The following MTA3 variants were observed in gnomAD, a reference collection of about 807,000 sequenced individuals.
The protein encoded by MTA3 is metastasis associated 1 family member 3, also known as metastasis-associated protein MTA3.
MTA3 carries 34 observed loss-of-function variants against 83.5 expected under a neutral mutation model. The ratio of observed to expected loss-of-function variants is 0.41; its 90% CI spans 0.31 to 0.54. The LOEUF (loss-of-function observed/expected upper bound fraction) is 0.54. Among genes scored for constraint, MTA3 ranks in the 20% least tolerant of loss-of-function variants. MTA3 has a pLI of 0.33. For synonymous variants in MTA3, 303 were observed against 252.7 expected (o/e 1.20, Z -1.89); for missense variants, 761 against 726.4 (o/e 1.05, Z -0.55).
chr2:42,720,432 C>T (rs1437386055), intron 15 of MTA3, among the ~76,000 whole-genome samples: 12 of 152,082 alleles, frequency 7.9e-5, no homozygotes, highest in Non-Finnish European at 1.6e-4. Context: ...CCGCCCACCT[C>T]GGCCTCCCAG....
intron 2 of MTA3, among the ~76,000 whole-genome samples, chr2:42,534,757 A>G (rs1360637078): frequency 3.9e-5 from 6 of 152,106 alleles, no homozygotes; most frequent in African/African-American, 1.4e-4. Flanking sequence ...GACTTCATCT[A>G]TTATATGCCA....
intron 2 of MTA3, among the ~76,000 whole-genome samples, chr2:42,552,275 C>T (rs902305697): frequency 6.6e-6 from 1 of 152,166 alleles, no homozygotes; most frequent in African/African-American, 2.4e-5. Flanking sequence ...ATAAAGGCCA[C>T]AGCCGAGAAG....
At position 42,644,048 on chromosome 2, in the gene MTA3, T is replaced by C. The variant is rs929007146; in HGVS notation, c.382-79T>C. On this transcript the variant is annotated intron_variant, in intron 5 of 16. Coordinates refer to ENST00000405094, the MANE Select transcript of MTA3 (RefSeq NM_001330442.2). ...ATACTCTCTGGGGTTTATATGTTCATTGTAGCAACATTGATTTTAATGCTT... is the reference window on the plus strand; with the variant it reads ...ATACTCTCTGGGGTTTATATGTTCACTGTAGCAACATTGATTTTAATGCTT... 6.0e-6 allele frequency: 5 copies of C among 837,464 alleles called. No homozygotes were observed. In the South Asian group the frequency reaches 6.0e-5, roughly 10 times the overall value. 51.9% of individuals were successfully genotyped at this position (837,464 alleles called of 1,614,324 possible). A position where few individuals can be genotyped will look rare whatever the true frequency, so the allele number is the denominator to read the frequency against.
At position 42,540,848 on chromosome 2, in the gene MTA3, T is replaced by A. The variant is rs576660695; in HGVS notation, c.-140-29589T>A. Among the ~76,000 whole-genome samples, 330 of 150,210 alleles carry A rather than the reference T, an allele frequency of 2.2e-3. 1 individual carries two copies. Among genetic ancestry groups the A allele is most frequent in the Non-Finnish European group, 3.2e-3 (216 of 67,430 alleles). Reference sequence around the variant, plus strand: ...AGACCCTGTCTCAAAAAAAAAAAAATTAAAAAAAAAAAGTTTTTTCCCAAA... The same window carrying A: ...AGACCCTGTCTCAAAAAAAAAAAAAATAAAAAAAAAAAGTTTTTTCCCAAA... On this transcript the variant is annotated intron_variant, in intron 2 of 17. Coordinates refer to the MTA3 transcript ENST00000405592.
At chr2:42,539,577 C>CTTTTTTTTTTTTTTTTTTTTTTTTTTTT (rs34577240) in intron 2 of MTA3, among the ~76,000 whole-genome samples, 1 of 96,654 alleles carries the variant, frequency 1.0e-5, no homozygotes, top group African/African-American at 4.0e-5. Flanking sequence ...AATTGTAAAG[C>CTTTTTTTTTTTTTTTTTTTTTTTTTTTT]TTTTTTTTTT....
chr2:42,571,969 G>A (rs1024995527), intron 2 of MTA3, among the ~76,000 whole-genome samples: 1 of 150,368 alleles, frequency 6.7e-6, no homozygotes, highest in African/African-American at 2.5e-5. Flanking sequence ...AAAATTGAAG[G>A]GAATTTGTAA....
chr2:42,494,318 A>C (rs1244098511), upstream of MTA3, among the ~76,000 whole-genome samples: 26 of 152,252 alleles, frequency 1.7e-4, no homozygotes, highest in East Asian at 4.7e-3. Context: ...TGAATTGGGC[A>C]GTCCCCAGGG....
At chr2:42,746,794 C>G (rs375079695) in intron 16 of MTA3, among the ~76,000 whole-genome samples, 17 of 152,260 alleles carry the variant, frequency 1.1e-4, no homozygotes, top group East Asian at 5.8e-4. Flanking sequence ...CTTCCATGCC[C>G]TCCCTGGGCA....
At chr2:42,582,986 A>C (rs1301937740) in intron 3 of MTA3, among the ~76,000 whole-genome samples, 1 of 152,126 alleles carries the variant, frequency 6.6e-6, no homozygotes, top group Non-Finnish European at 1.5e-5. Flanking sequence ...AAATTTCATA[A>C]CTTCTTAGTG....
intron 3 of MTA3, among the ~76,000 whole-genome samples, chr2:42,603,822 C>G (rs1171845262): frequency 6.6e-6 from 1 of 151,878 alleles, no homozygotes; most frequent in Non-Finnish European, 1.5e-5. Context: ...GCAGTGATGG[C>G]TCACTGCAAG....
At chr2:42,658,093 AAAAAAAAG>A in intron 7 of MTA3, among the ~76,000 whole-genome samples, 1 of 150,980 alleles carries the variant, frequency 6.6e-6, no homozygotes, top group African/African-American at 2.4e-5. Context: ...AAAAAAAAAA[AAAAAAAAG>A]ATCTTCTAAA....
intron 10 of MTA3, among the ~76,000 whole-genome samples, chr2:42,696,857 A>G (rs1489144316): frequency 6.6e-6 from 1 of 152,236 alleles, no homozygotes; most frequent in African/African-American, 2.4e-5. Context: ...ATATAATTCA[A>G]AAAGTGCTTA....
At chr2:42,510,311 GAAA>G (rs1260439717) in intron 2 of MTA3, among the ~76,000 whole-genome samples, 6 of 87,346 alleles carry the variant, frequency 6.9e-5, no homozygotes, top group Non-Finnish European at 1.2e-4. Flanking sequence ...GGGCGACTCA[GAAA>G]AAAAAAAAAA....
chr2:42,749,286 A>G (rs567536190), intron 16 of MTA3, among the ~76,000 whole-genome samples: 1 of 152,174 alleles, frequency 6.6e-6, no homozygotes, highest in Admixed American at 6.5e-5. Flanking sequence ...TTTCTGCCTG[A>G]GCTATATTCA....
chr2:42,508,334 A>AT (rs150007031), intron 2 of MTA3, among the ~76,000 whole-genome samples: 9 of 151,918 alleles, frequency 5.9e-5, no homozygotes, highest in African/African-American at 2.2e-4. Context: ...CTATAGACTT[A>AT]TTTTTTTCTT....
chr2:42,637,252 A>T (rs1687289068), intron 4 of MTA3, among the ~76,000 whole-genome samples: 1 of 152,154 alleles, frequency 6.6e-6, no homozygotes, highest in African/African-American at 2.4e-5. Context: ...AAGTAGTACG[A>T]GTGATTATAT....
chr2:42,592,459 G>A (rs778014018), intron 3 of MTA3, among the ~76,000 whole-genome samples: 1 of 151,738 alleles, frequency 6.6e-6, no homozygotes, highest in Non-Finnish European at 1.5e-5. Flanking sequence ...TGGCATGCAC[G>A]TGTGGTCCCA....
intron 2 of MTA3, among the ~76,000 whole-genome samples, chr2:42,496,051 A>G (rs1244030778): frequency 6.6e-6 from 1 of 152,232 alleles, no homozygotes; most frequent in African/African-American, 2.4e-5. Flanking sequence ...AATAGAAGAC[A>G]GAACTATAGT....
At chr2:42,523,652 C>T (rs902657163) in intron 2 of MTA3, among the ~76,000 whole-genome samples, 6 of 152,138 alleles carry the variant, frequency 3.9e-5, no homozygotes, top group African/African-American at 1.4e-4. Flanking sequence ...GTGGCGCATG[C>T]TTGTAACCCC....
Sources: allele counts gnomAD v4.1 joint callset (sites outside exome capture counted in the v4.1 genomes callset), GRCh38; gene constraint gnomAD v4.1.1; transcripts MANE v1.5; gene names NCBI Gene and HGNC (gene_info 2026-07-23, HGNC 2026-07-21).